Variants in CARS2 observed in about 807,000 individuals in gnomAD.
CARS2 encodes the protein probable cysteine--tRNA ligase, mitochondrial.
A neutral mutation model predicts 68.8 loss-of-function variants in CARS2; 52 were observed. The ratio of observed to expected loss-of-function variants is 0.76; its 90% CI spans 0.61 to 0.95. The LOEUF (loss-of-function observed/expected upper bound fraction) is 0.95, where lower values mean the gene tolerates loss of function less well. CARS2 is among the 40% of genes least tolerant of loss of function. The pLI is 0.00. For missense variants in CARS2, 780 were observed against 754.2 expected, an observed-to-expected ratio of 1.03 and a Z score of -0.40; for synonymous variants, 314 against 303.6, an observed-to-expected ratio of 1.03 and a Z score of -0.36.
rs376713706 is a variant in CARS2 at position 110,642,415 on chromosome 13, G to A, written c.1523C>T (p.Thr508Met). Residue 508 changes from threonine to methionine, a missense_variant, in exon 14 of 15, where the codon ACG becomes ATG. Thr to Met is a moderately conservative substitution (Grantham distance 81). Coordinates refer to ENST00000257347, the MANE Select transcript of CARS2 (RefSeq NM_024537.4). Reference protein sequence around the residue: ...RQFALAMPEATGDARRQQLLE... With the variant: ...RQFALAMPEAMGDARRQQLLE... ...GAGCTGCTGCCGCCGGGCGTCCCCC[G>A]TGGCCTCGGGCATGGCCAGCGCAAA... The A allele has an allele frequency of 3.0e-5, 48 of 1,593,860 alleles. No homozygotes were observed. The African/African-American group carries it at 3.1e-4, about 10-fold the overall frequency.
At chr13:110,652,153 T>G (rs2139704398) in intron 9 of CARS2, among the ~76,000 whole-genome samples, 1 of 152,262 alleles carries the variant, frequency 6.6e-6, no homozygotes, top group Non-Finnish European at 1.5e-5. Flanking sequence ...TGCGTTTCCG[T>G]CTCCCTCGGG....
intron 7 of CARS2, among the ~76,000 whole-genome samples, chr13:110,675,042 T>TA (rs200937368): frequency 1 from 151,104 of 151,724 alleles, 75,245 homozygotes; most frequent in Middle Eastern, 1. Context: ...TGGCAATCAT[T>TA]AAAACTCAGG....
chr13:110,701,393 A>T, intron 3 of CARS2, 45 bp downstream of exon 3: 1 of 925,868 alleles, frequency 1.1e-6, no homozygotes, highest in African/African-American at 1.6e-5. Context: ...GGCTCAGAAC[A>T]CTAATCAATG....
intron 12 of CARS2, chr13:110,645,613 A>C: frequency 5.1e-6 from 1 of 195,832 alleles, no homozygotes; most frequent in Non-Finnish European, 1.0e-5. Flanking sequence ...GCCTTGGGGT[A>C]AATGGGTCTT....
chr13:110,694,205 T>C lies in CARS2; in HGVS notation c.394-6187A>G, dbSNP rs537860923. On this transcript the variant is annotated intron_variant, in intron 3 of 14. Coordinates refer to ENST00000257347, the MANE Select transcript of CARS2 (RefSeq NM_024537.4). ...CCATGCCCAGCTAATTCTGTATTTT[T>C]AGTAGAGACAAGGTTTCTCCACGGT... Among the ~76,000 whole-genome samples, 26 of 151,966 alleles carry C rather than the reference T, an allele frequency of 1.7e-4. No homozygotes were observed. The South Asian group carries it at 4.4e-3, about 26-fold the overall frequency.
upstream of CARS2, among the ~76,000 whole-genome samples, chr13:110,709,551 A>G (rs2064010022): frequency 6.6e-6 from 1 of 152,156 alleles, no homozygotes; most frequent in African/African-American, 2.4e-5. Context: ...GCTCTTCATT[A>G]CTATACCTCC....
chr13:110,690,187 T>C (rs4773238), intron 3 of CARS2, among the ~76,000 whole-genome samples: 151,702 of 152,294 alleles, frequency 1, 75,557 homozygotes, highest in Non-Finnish European at 1. Flanking sequence ...AACACTGCCC[T>C]ACTGCACTCT....
At chr13:110,656,185 C>T (rs369907610) in intron 9 of CARS2, among the ~76,000 whole-genome samples, 5 of 152,298 alleles carry the variant, frequency 3.3e-5, no homozygotes. Context: ...GGCCTGTAAT[C>T]CCAGCTACCT....
At position 110,667,326 on chromosome 13, in the gene CARS2, A is replaced by T. The variant is rs371254823; in HGVS notation, c.919+14T>A. The stretch of plus-strand genomic sequence containing the variant: ...AATTGAAACAGAACAAATTAATCTG[A>T]AGTTATTACTTACCAGAATGCAGAA... On this transcript the variant is annotated intron_variant, in intron 8 of 14. Transcript: ENST00000257347. 1.2e-6 allele frequency: 2 copies of T among 1,601,536 alleles called. No homozygotes were observed. Among genetic ancestry groups the T allele is most frequent in the Non-Finnish European group, 1.7e-6 (2 of 1,173,776 alleles).
At chr13:110,692,005 T>A (rs201156358) in intron 3 of CARS2, among the ~76,000 whole-genome samples, 9,848 of 49,966 alleles carry the variant, frequency 0.2, 490 homozygotes, top group Non-Finnish European at 0.27. Flanking sequence ...AAAAAAAAAA[T>A]ATATATATAT....
chr13:110,677,085 T>C lies in CARS2; in HGVS notation c.674A>G (p.His225Arg). 1 of 1,608,946 alleles carries C rather than the reference T, an allele frequency of 6.2e-7. No individual in the cohort carries two copies. The highest frequency in any genetic ancestry group is 8.5e-7 in the Non-Finnish European group (1 of 1,176,400). ...VGEPADSDKR[H>R]ASDFALWKAA... is the part of the protein sequence containing the mutation. The stretch of plus-strand genomic sequence containing the variant: ...CTTCCACAGGGCGAAGTCACTGGCA[T>C]GACGCTTGTCAGAGTCCGCTGCAGA... The change falls in exon 7 of 15, where the codon CAT becomes CGT. Residue 225 changes from histidine (H) to arginine (R), a missense_variant. Transcript: ENST00000257347.
Position 110,705,520 on chromosome 13 carries a change from C to A in CARS2, c.275+1G>T. 1.3e-6 allele frequency: 2 copies of A among 1,592,040 alleles called. No homozygotes were observed. The highest frequency in any genetic ancestry group is 1.1e-5 in the South Asian group (1 of 87,962). ...TGAAAATTCAAATCCAGGAAACTCA[C>A]CAAGCATGGCCAAGGTGCGCATGAT... On this transcript the variant is annotated splice_donor_variant, in intron 2 of 14. Transcript: ENST00000257347. LOFTEE classifies it high-confidence loss of function. This position sits in a 1 kb window ranked among gnomAD's most constrained non-coding sequence, Gnocchi z 4.0.
chr13:110,701,073 CTTTTTTT>C (rs374928372), intron 3 of CARS2, among the ~76,000 whole-genome samples: 3 of 147,124 alleles, frequency 2.0e-5, no homozygotes, highest in African/African-American at 2.5e-5. Context: ...TTTCTTTTTT[CTTTTTTT>C]TTTTGAGACA....
At chr13:110,651,922 T>C (rs998937088) in intron 9 of CARS2, among the ~76,000 whole-genome samples, 5 of 152,194 alleles carry the variant, frequency 3.3e-5, no homozygotes, top group Non-Finnish European at 5.9e-5. Flanking sequence ...AGCTTGGGCT[T>C]CCACTGTGGC....
chr13:110,643,760 G>T, intron 13 of CARS2: 3 of 172,174 alleles, frequency 1.7e-5, no homozygotes, highest in East Asian at 1.6e-4. Flanking sequence ...GAATAAGGCA[G>T]GAAACCTCAA....
At chr13:110,713,090 G>A in intron 1 of CARS2, 1 of 1,440,750 alleles carries the variant, frequency 6.9e-7, no homozygotes, top group Non-Finnish European at 9.1e-7. Flanking sequence ...TCCGCCTCCC[G>A]GAGGACTTGG....
chr13:110,682,093 G>C (rs1594353720), intron 6 of CARS2, among the ~76,000 whole-genome samples: 1 of 152,230 alleles, frequency 6.6e-6, no homozygotes, highest in East Asian at 1.9e-4. Context: ...ATGCGTCAAT[G>C]GTGGGGGATG....
At chr13:110,666,803 T>C (rs922708444) in intron 8 of CARS2, 1 of 985,328 alleles carries the variant, frequency 1.0e-6, no homozygotes, top group African/African-American at 1.7e-5. Flanking sequence ...GTAATAAGAC[T>C]AGTTAATCGT....
intron 12 of CARS2, chr13:110,645,121 CTGGCT>C (rs1433789202): frequency 3.9e-5 from 6 of 152,880 alleles, no homozygotes; most frequent in Admixed American, 3.9e-4. Context: ...CCAGCCCGGC[CTGGCT>C]GCCTTCAGTG....
Sources: allele counts gnomAD v4.1 joint callset (sites outside exome capture counted in the v4.1 genomes callset), GRCh38; gene constraint gnomAD v4.1.1; non-coding constraint Gnocchi (gnomAD v3.1); transcripts MANE v1.5; gene names NCBI Gene and HGNC (gene_info 2026-07-23, HGNC 2026-07-21).